SLC35F3: variants seen among roughly 807,000 people sequenced by gnomAD.
The protein encoded by SLC35F3 is putative thiamine transporter SLC35F3.
Under a neutral mutation model 49.9 loss-of-function variants are expected in SLC35F3, and 25 were observed. The ratio of observed to expected loss-of-function variants is 0.50; its 90% CI spans 0.37 to 0.70. The LOEUF is 0.70. Ranked by LOEUF, SLC35F3 falls within the 30% of genes least tolerant of loss-of-function variation. SLC35F3 has a pLI of 0.00. For missense variants in SLC35F3, 525 were observed against 639.8 expected, an observed-to-expected ratio of 0.82 and a Z score of 1.94; for synonymous variants, 275 against 265.4, an observed-to-expected ratio of 1.04 and a Z score of -0.35.
intron 2 of SLC35F3, among the ~76,000 whole-genome samples, chr1:234,010,877 A>G (rs1056554820): frequency 6.6e-6 from 1 of 152,206 alleles, no homozygotes; most frequent in Non-Finnish European, 1.5e-5. Flanking sequence ...GCATTATATA[A>G]TGATAAAGGA....
intron 2 of SLC35F3, among the ~76,000 whole-genome samples, chr1:233,948,230 A>G (rs955458411): frequency 1.1e-4 from 15 of 134,966 alleles, no homozygotes; most frequent in East Asian, 6.1e-4. Flanking sequence ...GGAGAGAGGG[A>G]GAGAGAGAGA....
rs561945622 is a variant in SLC35F3 at position 234,055,983 on chromosome 1, A to G, written c.283+150225A>G. On this transcript the variant is annotated intron_variant, in intron 2 of 7. Coordinates refer to ENST00000366618, the MANE Select transcript of SLC35F3 (RefSeq NM_173508.4). ...AACTTACTGAACTCTTGGATTTACCATATTGACAATTATATTGTCCTGTAA... is the reference window on the plus strand; with the variant it reads ...AACTTACTGAACTCTTGGATTTACCGTATTGACAATTATATTGTCCTGTAA... Among the ~76,000 whole-genome samples, 4 of 152,296 alleles carry G rather than the reference A, an allele frequency of 2.6e-5. No homozygotes were observed. The South Asian group carries it at 8.3e-4, about 32-fold the overall frequency.
chr1:234,050,950 A>T (rs980682052), intron 2 of SLC35F3, among the ~76,000 whole-genome samples: 1 of 152,004 alleles, frequency 6.6e-6, no homozygotes, highest in Admixed American at 6.5e-5. Flanking sequence ...ATGGTTGTAG[A>T]TGTGTGGTAT....
At chr1:234,147,374 T>G (rs1666014489) in intron 2 of SLC35F3, among the ~76,000 whole-genome samples, 1 of 152,162 alleles carries the variant, frequency 6.6e-6, no homozygotes, top group Admixed American at 6.6e-5. Context: ...GTTTCACCTG[T>G]TATTGTATCA....
At chr1:233,963,930 C>G (rs1186841171) in intron 2 of SLC35F3, among the ~76,000 whole-genome samples, 2 of 152,198 alleles carry the variant, frequency 1.3e-5, no homozygotes, top group Non-Finnish European at 2.9e-5. Flanking sequence ...GGCTGATGCA[C>G]CTGGGGGGCC....
At chr1:233,951,644 A>G (rs1243418225) in intron 2 of SLC35F3, among the ~76,000 whole-genome samples, 1 of 152,112 alleles carries the variant, frequency 6.6e-6, no homozygotes, top group African/African-American at 2.4e-5. Context: ...GATGTCTCAG[A>G]GCTGACTCTT....
intron 2 of SLC35F3, among the ~76,000 whole-genome samples, chr1:234,094,473 G>C (rs545022112): frequency 1.1e-3 from 163 of 152,362 alleles, no homozygotes; most frequent in Non-Finnish European, 9.1e-4. Context: ...TTATCAGAGA[G>C]GCTGTCTTGG....
At chr1:234,011,730 T>G (rs1168959616) in intron 2 of SLC35F3, among the ~76,000 whole-genome samples, 1 of 152,172 alleles carries the variant, frequency 6.6e-6, no homozygotes, top group Admixed American at 6.5e-5. Context: ...TTGATATTTT[T>G]CTTATCAATG....
chr1:234,047,278 G>C (rs984659456), intron 2 of SLC35F3, among the ~76,000 whole-genome samples: 1 of 152,090 alleles, frequency 6.6e-6, no homozygotes, highest in Non-Finnish European at 1.5e-5. Flanking sequence ...CTGGATATTT[G>C]CTCAAACATT....
intron 2 of SLC35F3, among the ~76,000 whole-genome samples, chr1:234,108,512 TGATATATATTATTTATATATAAAA>T (rs1386812504): frequency 3.7e-4 from 38 of 102,350 alleles, no homozygotes; most frequent in African/African-American, 5.9e-4. Flanking sequence ...TATATATAAA[TGATATATATTATTTATATATAAAA>T]GATATATATT....
Position 234,223,337 on chromosome 1 carries a change from T to C in SLC35F3, c.284-8080T>C, listed in dbSNP as rs77564033. Among the ~76,000 whole-genome samples the C allele has an allele frequency of 8.8e-3, 1,346 of 152,302 alleles. 14 individuals are homozygous for C. The highest frequency in any genetic ancestry group is 0.029 in the African/African-American group (1,218 of 41,558). ...ACCTGACTCTTACCAGCTCTCAGAC[T>C]GCTTCAGAGTAGATCAGACACATCT... On this transcript the variant is annotated intron_variant, in intron 2 of 7. Coordinates refer to ENST00000366618, the MANE Select transcript of SLC35F3 (RefSeq NM_173508.4).
At chr1:234,139,976 A>AAATAAAAT (rs1665873637) in intron 2 of SLC35F3, among the ~76,000 whole-genome samples, 2 of 139,638 alleles carry the variant, frequency 1.4e-5, no homozygotes, top group African/African-American at 5.2e-5. Context: ...AAATAAAATA[A>AAATAAAAT]AATAAAATAA....
chr1:234,173,352 C>G (rs530624222), intron 2 of SLC35F3, among the ~76,000 whole-genome samples: 7 of 152,334 alleles, frequency 4.6e-5, no homozygotes, highest in Admixed American at 1.3e-4. Flanking sequence ...TATTATCACC[C>G]TAGTACTACA....
At chr1:234,219,342 T>C (rs1157668790) in intron 2 of SLC35F3, among the ~76,000 whole-genome samples, 1 of 152,168 alleles carries the variant, frequency 6.6e-6, no homozygotes, top group African/African-American at 2.4e-5. Flanking sequence ...CCAAAGAGTT[T>C]CCCCAAACCC....
In SLC35F3 at chr1:233,935,189, C is replaced by CTTTTTTTTTTTT; in HGVS notation, c.283+29448_283+29459dup. Among the ~76,000 whole-genome samples, 57 of 50,312 alleles carry CTTTTTTTTTTTT rather than the reference C, an allele frequency of 1.1e-3. 9 individuals carry two copies. Among genetic ancestry groups the CTTTTTTTTTTTT allele is most frequent in the East Asian group, 1.6e-3 (2 of 1,230 alleles). 33.0% of individuals were successfully genotyped at this position (50,312 alleles called of 152,430 possible). On this transcript the variant is annotated intron_variant, in intron 2 of 7. Coordinates refer to ENST00000366618, the MANE Select transcript of SLC35F3 (RefSeq NM_173508.4). ...CACAATGAGCTGGGTTTTCCTTGCC[C>CTTTTTTTTTTTT]TTTTTTTTTTTTTTTTTTTTTTTTT...
chr1:234,222,076 A>G (rs1194914270), intron 2 of SLC35F3, among the ~76,000 whole-genome samples: 2 of 152,190 alleles, frequency 1.3e-5, no homozygotes, highest in Non-Finnish European at 2.9e-5. Context: ...AGATTTTGGT[A>G]TTTGAGCAGG....
intron 2 of SLC35F3, among the ~76,000 whole-genome samples, chr1:234,108,534 A>T (rs867169521): frequency 2.8e-4 from 29 of 104,750 alleles, no homozygotes; most frequent in South Asian, 3.4e-4. Flanking sequence ...TTTATATATA[A>T]AAGATATATA....
intron 2 of SLC35F3, among the ~76,000 whole-genome samples, chr1:234,178,291 C>T (rs909936816): frequency 1.3e-5 from 2 of 152,036 alleles, no homozygotes; most frequent in African/African-American, 4.8e-5. Flanking sequence ...CCCTTGCCAC[C>T]GAACTCATCC....
chr1:234,013,408 C>T (rs964874423), intron 2 of SLC35F3, among the ~76,000 whole-genome samples: 1 of 151,330 alleles, frequency 6.6e-6, no homozygotes, highest in Non-Finnish European at 1.5e-5. Flanking sequence ...CTCAAATAAA[C>T]AACCTAATGT....
Sources: gnomAD v4.1 joint callset for allele counts (sites outside exome capture counted in the v4.1 genomes callset) on GRCh38, gnomAD v4.1.1 for gene constraint, MANE v1.5 for transcripts, NCBI Gene and HGNC (gene_info 2026-07-23, HGNC 2026-07-21) for gene names.